Variants in RNF13 observed in about 807,000 individuals in gnomAD.
RNF13 encodes E3 ubiquitin-protein ligase RNF13.
A neutral mutation model predicts 37.7 loss-of-function variants in RNF13; 19 were observed. The ratio of observed to expected loss-of-function variants is 0.50; its 90% CI spans 0.35 to 0.74. RNF13 has a LOEUF of 0.74. RNF13 is among the 30% of genes least tolerant of loss of function. The probability of loss-of-function intolerance (pLI) is 0.01; values close to 1 mark genes in which losing one functional copy is unlikely to be tolerated. For synonymous variants in RNF13, 144 were observed against 157.8 expected, an observed-to-expected ratio of 0.91 and a Z score of 0.65; for missense variants, 375 against 453.0, an observed-to-expected ratio of 0.83 and a Z score of 1.56.
intron 1 of RNF13, among the ~76,000 whole-genome samples, chr3:149,837,744 G>A (rs1721769320): frequency 6.6e-6 from 1 of 151,990 alleles, no homozygotes; most frequent in Non-Finnish European, 1.5e-5. Context: ...TTTGGGTGAG[G>A]ACACAGCCAA....
intron 7 of RNF13, 151 bp downstream of exon 7, chr3:149,912,234 A>T (rs893162005): frequency 2.0e-6 from 1 of 512,600 alleles, no homozygotes. Context: ...AACAAAGATA[A>T]TGTGAATAGG....
At chr3:149,831,293 C>G (rs1479328911) in intron 1 of RNF13, among the ~76,000 whole-genome samples, 1 of 152,208 alleles carries the variant, frequency 6.6e-6, no homozygotes, top group Non-Finnish European at 1.5e-5. Flanking sequence ...TTTACACTCT[C>G]AATGCCAGCC....
rs559060644 is a variant in RNF13 at position 149,880,249 on chromosome 3, G to A, written c.321+8095G>A. On this transcript the variant is annotated intron_variant, in intron 4 of 9. Transcript: ENST00000392894. ...TTCTAAAGCCTTTATTTTCAGTGGT[G>A]GGTGGGCTGAAATGGGGCCTCTGCT... Among the ~76,000 whole-genome samples the A allele has an allele frequency of 3.3e-5, 5 of 152,222 alleles. No homozygotes were observed. The East Asian group carries it at 7.7e-4, about 23-fold the overall frequency.
In RNF13 at chr3:149,898,801, G is replaced by C. The variant is rs551858291; in HGVS notation, c.409+3241G>C. ...AATGTCAAGTAGTGATAAATGCTAT[G>C]AAGAAAAATATCAGCATAAGGGGAT... On this transcript the variant is annotated intron_variant, in intron 5 of 9. Transcript: ENST00000392894. Among the ~76,000 whole-genome samples, 15 of 152,242 alleles carry C rather than the reference G, an allele frequency of 9.9e-5. No individual in the cohort carries two copies. In the South Asian group the frequency reaches 1.9e-3, roughly 19 times the overall value.
intron 1 of RNF13, among the ~76,000 whole-genome samples, chr3:149,833,837 T>C (rs1291405668): frequency 6.6e-6 from 1 of 152,186 alleles, no homozygotes; most frequent in Non-Finnish European, 1.5e-5. Context: ...TGTAAGCAGA[T>C]GATATGACCT....
intron 8 of RNF13, among the ~76,000 whole-genome samples, chr3:149,921,909 C>A (rs113439434): frequency 0.032 from 4,905 of 152,264 alleles, 108 homozygotes; most frequent in Non-Finnish European, 0.046. Context: ...AATTTACATA[C>A]CCACCAACAG....
chr3:149,816,772 A>G (rs1038289805), intron 1 of RNF13, among the ~76,000 whole-genome samples: 5 of 152,252 alleles, frequency 3.3e-5, no homozygotes, highest in African/African-American at 1.2e-4. Flanking sequence ...AACTCTCTTT[A>G]TGGATAATAA....
intron 1 of RNF13, among the ~76,000 whole-genome samples, chr3:149,845,109 A>G (rs1722523044): frequency 6.6e-6 from 1 of 152,140 alleles, no homozygotes; most frequent in Non-Finnish European, 1.5e-5. Context: ...ATTCACAGGT[A>G]TTTTACTTCC....
intron 4 of RNF13, among the ~76,000 whole-genome samples, chr3:149,884,849 CTG>C (rs137868474): frequency 4.7e-5 from 7 of 150,112 alleles, no homozygotes; most frequent in African/African-American, 7.3e-5. Context: ...CTTATTTATT[CTG>C]TGTGTGTGTG....
At chr3:149,933,451 T>C (rs1719364878) in intron 8 of RNF13, among the ~76,000 whole-genome samples, 1 of 152,116 alleles carries the variant, frequency 6.6e-6, no homozygotes, top group South Asian at 2.1e-4. Context: ...CTATTGTAAA[T>C]GAGATTACTT....
At chr3:149,935,585 C>CA (rs1434097248) in intron 8 of RNF13, among the ~76,000 whole-genome samples, 1 of 151,954 alleles carries the variant, frequency 6.6e-6, no homozygotes, top group Non-Finnish European at 1.5e-5. Flanking sequence ...ATGAGGCTTA[C>CA]AAAAAACATC....
chr3:149,950,444 A>C (rs1721208872), intron 8 of RNF13, among the ~76,000 whole-genome samples: 1 of 152,202 alleles, frequency 6.6e-6, no homozygotes, highest in South Asian at 2.1e-4. Flanking sequence ...AAGGGGAAGC[A>C]TTCTATAGTT....
chr3:149,871,938 A>AT, intron 3 of RNF13, 91 bp from the exon 4 acceptor site: 1 of 1,176,394 alleles, frequency 8.5e-7, no homozygotes, highest in Non-Finnish European at 1.2e-6. Flanking sequence ...ATAATGCAAA[A>AT]CACATGACAA....
rs150758973 is a variant in RNF13 at position 149,890,482 on chromosome 3, T to C, written c.322-4991T>C. 4.5e-3 allele frequency among the ~76,000 whole-genome samples: 691 copies of C among 152,286 alleles called. 7 individuals are homozygous for C. Among genetic ancestry groups the C allele is most frequent in the Non-Finnish European group, 2.8e-3 (190 of 68,020 alleles). ...AACTCTTAGTATGTGCCAGGTAATG[T>C]TTAAGCACTGTTTTAAGTGTTTTTC... On this transcript the variant is annotated intron_variant, in intron 4 of 9. Coordinates refer to ENST00000392894, the MANE Select transcript of RNF13 (RefSeq NM_183381.3).
intron 8 of RNF13, among the ~76,000 whole-genome samples, chr3:149,955,917 G>T (rs182562988): frequency 2.0e-5 from 3 of 152,096 alleles, no homozygotes; most frequent in Non-Finnish European, 2.9e-5. Flanking sequence ...TTTAAAAATG[G>T]TAATTCCTCT....
At chr3:149,880,627 T>C (rs1713278369) in intron 4 of RNF13, among the ~76,000 whole-genome samples, 7 of 152,344 alleles carry the variant, frequency 4.6e-5, no homozygotes, top group African/African-American at 1.7e-4. Context: ...AAGACGAATG[T>C]AATTTAACTT....
intron 7 of RNF13, among the ~76,000 whole-genome samples, chr3:149,915,582 T>C (rs149170444): frequency 1.1e-3 from 163 of 152,250 alleles, no homozygotes; most frequent in African/African-American, 3.9e-3. Flanking sequence ...CAATAGCCAA[T>C]GATGAAAGCA....
chr3:149,941,116 T>C (rs1720216149), intron 8 of RNF13, among the ~76,000 whole-genome samples: 1 of 152,198 alleles, frequency 6.6e-6, no homozygotes, highest in African/African-American at 2.4e-5. Flanking sequence ...TTTGGATTGT[T>C]TCCACTCTAC....
At position 149,960,509 on chromosome 3, in the gene RNF13, G is replaced by A. The variant is rs142390818; in HGVS notation, c.782-231G>A. ...AGGGAGGCTGAGGCAGGACAATGGC[G>A]TGAACCCAGGAGGCAGAGGTTACAG... is the stretch of plus-strand genomic sequence containing the variant. On this transcript the variant is annotated intron_variant, in intron 9 of 9. Transcript: ENST00000392894. Among the ~76,000 whole-genome samples, 275 of 151,992 alleles carry A rather than the reference G, an allele frequency of 1.8e-3. 1 individual carries two copies. The highest frequency in any genetic ancestry group is 5.6e-3 in the African/African-American group (232 of 41,460).
Sources: gnomAD v4.1 joint callset for allele counts (sites outside exome capture counted in the v4.1 genomes callset) on GRCh38, gnomAD v4.1.1 for gene constraint, MANE v1.5 for transcripts, NCBI Gene and HGNC (gene_info 2026-07-23, HGNC 2026-07-21) for gene names.